CFAP77: variants seen among roughly 807,000 people sequenced by gnomAD.
The protein encoded by CFAP77 is cilia and flagella associated protein 77.
In CFAP77, 25 loss-of-function variants were observed where a neutral mutation model predicts 31.1. The ratio of observed to expected loss-of-function variants is 0.80; its 90% CI spans 0.59 to 1.12. The LOEUF is 1.12. Among genes scored for constraint, CFAP77 ranks in the 50% most tolerant of loss-of-function variants. The pLI is 0.00. For missense variants in CFAP77, 377 were observed against 397.3 expected, an observed-to-expected ratio of 0.95 and a Z score of 0.44; for synonymous variants, 151 against 159.9, an observed-to-expected ratio of 0.94 and a Z score of 0.42.
intron 3 of CFAP77, among the ~76,000 whole-genome samples, chr9:132,513,975 T>G (rs1852092778): frequency 7.7e-6 from 1 of 130,394 alleles, no homozygotes. Flanking sequence ...CTCCCTCCCG[T>G]GTCCCTGACC....
At chr9:132,541,146 G>A (rs568400512) in intron 4 of CFAP77, among the ~76,000 whole-genome samples, 145 of 152,308 alleles carry the variant, frequency 9.5e-4, no homozygotes, top group African/African-American at 3.4e-3. Context: ...CCTCAAGCCT[G>A]TAAGCATCGG....
intron 5 of CFAP77, among the ~76,000 whole-genome samples, chr9:132,556,393 C>T (rs1852905765): frequency 6.6e-6 from 1 of 152,192 alleles, no homozygotes; most frequent in Non-Finnish European, 1.5e-5. Context: ...CTCCCATCAT[C>T]TGGGTTCTGC....
In CFAP77 at chr9:132,455,645, C is replaced by T. The variant is rs949516362; in HGVS notation, c.196-43050C>T. On this transcript the variant is annotated intron_variant, in intron 1 of 5. Transcript: ENST00000393216. The surrounding 1 kb of genome is among the most constrained non-coding windows in gnomAD (Gnocchi z 4.1). ...ACTCAGGAGGCTGAGGTGGGAGGAT[C>T]GCTTGAGCCTGGGAGGCGGAGGTTG... Among the ~76,000 whole-genome samples the T allele has an allele frequency of 2.4e-4, 36 of 152,108 alleles. No individual in the cohort carries two copies. The highest frequency in any genetic ancestry group is 8.2e-4 in the African/African-American group (34 of 41,492).
chr9:132,521,272 C>T (rs893225592), intron 3 of CFAP77, among the ~76,000 whole-genome samples: 2 of 152,188 alleles, frequency 1.3e-5, no homozygotes, highest in African/African-American at 4.8e-5. Flanking sequence ...TGAAGGATAT[C>T]GGGGCCACCC....
chr9:132,486,019 T>G (rs1851537015), intron 1 of CFAP77, among the ~76,000 whole-genome samples: 1 of 46,430 alleles, frequency 2.2e-5, no homozygotes, highest in Non-Finnish European at 3.4e-5. Flanking sequence ...TATATATATA[T>G]ATATATATAT....
At chr9:132,454,605 A>G (rs528685583) in intron 1 of CFAP77, among the ~76,000 whole-genome samples, 3 of 152,336 alleles carry the variant, frequency 2.0e-5, no homozygotes, top group South Asian at 4.1e-4. Context: ...ATTGAGTGAT[A>G]GTTTGATACA....
At chr9:132,432,993 C>T (rs1024763945) in intron 1 of CFAP77, among the ~76,000 whole-genome samples, 6 of 152,034 alleles carry the variant, frequency 3.9e-5, no homozygotes, top group East Asian at 1.9e-4. Flanking sequence ...GGATTACAGG[C>T]GTGAGCCACC....
intron 1 of CFAP77, among the ~76,000 whole-genome samples, chr9:132,438,541 A>ATATTTTTTTTTTTTT: frequency 1.8e-5 from 2 of 108,154 alleles, no homozygotes; most frequent in African/African-American, 8.1e-5. Context: ...ATATATATAT[A>ATATTTTTTTTTTTTT]TTTTTTTTTT....
chr9:132,566,891 C>A (rs748974422), intron 5 of CFAP77, among the ~76,000 whole-genome samples: 1 of 152,184 alleles, frequency 6.6e-6, no homozygotes, highest in Non-Finnish European at 1.5e-5. Context: ...CCTTGCTGGC[C>A]GCTGGAGGCC....
chr9:132,473,757 C>T (rs759627530), intron 1 of CFAP77, among the ~76,000 whole-genome samples: 1 of 152,194 alleles, frequency 6.6e-6, no homozygotes, highest in Non-Finnish European at 1.5e-5. Flanking sequence ...GATCTCAGCT[C>T]ACTACAACCT....
Position 132,524,042 on chromosome 9 carries a change from G to T in CFAP77, c.525-13559G>T, listed in dbSNP as rs138735912. Among the ~76,000 whole-genome samples, 1,315 of 151,968 alleles carry T rather than the reference G, an allele frequency of 8.7e-3. 15 individuals carry two copies. The highest frequency in any genetic ancestry group is 0.012 in the Non-Finnish European group (806 of 67,960). On this transcript the variant is annotated intron_variant, in intron 3 of 5. Coordinates refer to ENST00000393216, the MANE Select transcript of CFAP77 (RefSeq NM_001282957.2). ...TTTAGAGACAAGGTCTTGCCATGCT[G>T]CCCAGGCTGGTCTTGAACTCCTGAG...
chr9:132,413,362 C>G (rs777694143), intron 1 of CFAP77, among the ~76,000 whole-genome samples: 1 of 152,116 alleles, frequency 6.6e-6, no homozygotes, highest in Non-Finnish European at 1.5e-5. Flanking sequence ...CATTTAAAAC[C>G]AAGTCAACTG....
At chr9:132,555,093 G>A (rs1235570282) in intron 5 of CFAP77, among the ~76,000 whole-genome samples, 2 of 152,130 alleles carry the variant, frequency 1.3e-5, no homozygotes, top group Non-Finnish European at 2.9e-5. Flanking sequence ...ACATTTGAAG[G>A]CCTCCTGTCT....
At chr9:132,510,425 G>C (rs1283043624) in intron 3 of CFAP77, among the ~76,000 whole-genome samples, 2 of 152,230 alleles carry the variant, frequency 1.3e-5, no homozygotes, top group Non-Finnish European at 2.9e-5. Context: ...CACAATCAGA[G>C]GGGCTGCTAG....
rs1373143082 is a variant in CFAP77 at position 132,424,381 on chromosome 9, G to A, written c.195+13915G>A. 1.3e-5 allele frequency among the ~76,000 whole-genome samples: 2 copies of A among 151,958 alleles called. No homozygotes were observed. The highest frequency in any genetic ancestry group is 2.9e-5 in the Non-Finnish European group (2 of 67,980). On this transcript the variant is annotated intron_variant, in intron 1 of 5. Transcript: ENST00000393216. This position sits in a 1 kb window ranked among gnomAD's most constrained non-coding sequence, Gnocchi z 4.1. The stretch of plus-strand genomic sequence containing the variant: ...CGTGCCACTGCACTCCAGCCTGGGC[G>A]ACAGAGCAAGACTCCATCTCAAAAC...
chr9:132,502,263 ATATTT>A lies in CFAP77; in HGVS notation c.524+2665_524+2669del, dbSNP rs1428179325. ...TGACTGTGCCATCATATATATATAT[ATATTT>A]TTTTTTTTTGGGGGAGGGGGGTGGT... On this transcript the variant is annotated intron_variant, in intron 3 of 5. Coordinates refer to ENST00000393216, the MANE Select transcript of CFAP77 (RefSeq NM_001282957.2). 3.4e-3 allele frequency among the ~76,000 whole-genome samples: 351 copies of A among 103,488 alleles called. 1 individual carries two copies. Among genetic ancestry groups the A allele is most frequent in the African/African-American group, 9.2e-3 (256 of 27,956 alleles). The allele number at this position is 103,488 out of a possible 152,430, so 67.9% of individuals were successfully genotyped here.
chr9:132,530,117 T>G (rs912467080), intron 3 of CFAP77, among the ~76,000 whole-genome samples: 2 of 149,756 alleles, frequency 1.3e-5, no homozygotes, highest in Non-Finnish European at 1.5e-5. Context: ...GTCTTTTGCC[T>G]CTTTTCTTTC....
At chr9:132,509,083 G>A (rs1182692226) in intron 3 of CFAP77, among the ~76,000 whole-genome samples, 1 of 152,198 alleles carries the variant, frequency 6.6e-6, no homozygotes, top group African/African-American at 2.4e-5. Context: ...AGCAATGAAC[G>A]GCCAACGCTG....
At chr9:132,487,078 G>C (rs1440105231) in intron 1 of CFAP77, among the ~76,000 whole-genome samples, 1 of 152,252 alleles carries the variant, frequency 6.6e-6, no homozygotes, top group Non-Finnish European at 1.5e-5. Flanking sequence ...CACGGTCCGC[G>C]GCTCCCTTTG....
Sources: gnomAD v4.1 joint callset for allele counts (sites outside exome capture counted in the v4.1 genomes callset) on GRCh38, gnomAD v4.1.1 for gene constraint, Gnocchi (gnomAD v3.1) non-coding constraint, MANE v1.5 for transcripts, NCBI Gene and HGNC (gene_info 2026-07-23, HGNC 2026-07-21) for gene names.